Variants in DROSHA observed in about 807,000 individuals in gnomAD.
DROSHA encodes drosha ribonuclease III, also known as ribonuclease 3.
In DROSHA, 56 loss-of-function variants were observed where a neutral mutation model predicts 181.9. The ratio of observed to expected loss-of-function variants is 0.31; its 90% CI spans 0.25 to 0.38. The LOEUF is 0.38. Among genes scored for constraint, DROSHA ranks in the 10% least tolerant of loss-of-function variants. The pLI is 1.00. For synonymous variants in DROSHA, 524 were observed against 591.2 expected, an observed-to-expected ratio of 0.89 and a Z score of 1.65; for missense variants, 1,218 against 1,743.5, an observed-to-expected ratio of 0.70 and a Z score of 5.37.
At chr5:31,499,574 G>T (rs1414418839) in intron 11 of DROSHA, among the ~76,000 whole-genome samples, 1 of 152,136 alleles carries the variant, frequency 6.6e-6, no homozygotes, top group Non-Finnish European at 1.5e-5. Flanking sequence ...TGGAGAAAAT[G>T]ATAGCTATAA....
At position 31,514,878 on chromosome 5, in the gene DROSHA, T is replaced by G. The variant is rs1739106063; in HGVS notation, c.1290+110A>C. ...AGCCCAGAGATGCCGCTAAACATCC[T>G]ACAATGCATAGGGCAGTCCCCACAA... On this transcript the variant is annotated intron_variant, in intron 8 of 35. Transcript: ENST00000344624. This position sits in a 1 kb window ranked among gnomAD's most constrained non-coding sequence, Gnocchi z 4.4. 8 of 988,886 alleles carry G rather than the reference T, an allele frequency of 8.1e-6. No individual in the cohort carries two copies. The highest frequency in any genetic ancestry group is 1.2e-5 in the Non-Finnish European group (8 of 667,974). The allele number at this position is 988,886 out of a possible 1,614,324, so 61.3% of individuals were successfully genotyped here.
chr5:31,402,338 A>G (rs1318351585), intron 35 of DROSHA, among the ~76,000 whole-genome samples: 1 of 152,234 alleles, frequency 6.6e-6, no homozygotes, highest in African/African-American at 2.4e-5. Context: ...GGTTTCATTT[A>G]CACATGATCA....
chr5:31,507,899 C>T (rs547264667), intron 10 of DROSHA, among the ~76,000 whole-genome samples: 2 of 152,100 alleles, frequency 1.3e-5, no homozygotes, highest in East Asian at 1.9e-4. Flanking sequence ...TTCTGCCAGA[C>T]GTTCTATAAA....
rs200906186 is a variant in DROSHA at position 31,526,667 on chromosome 5, G to A, written c.266C>T (p.Ala89Val). The change falls in exon 5 of 36, where the codon GCG becomes GTG. Residue 89 changes from alanine (A) to valine (V), a missense_variant. Ala to Val is a moderately conservative substitution (Grantham distance 64, BLOSUM62 0). This residue lies in a region of DROSHA where 536 missense variants were observed against 535.4 expected (regional missense o/e 1.00). Transcript: ENST00000344624. Reference sequence around the variant, plus strand: ...TGGGCAGGGGGGAAGAGGGCCTTGCGCTGACGGAGGCATGGGTGGGGGGAA... The same window carrying A: ...TGGGCAGGGGGGAAGAGGGCCTTGCACTGACGGAGGCATGGGTGGGGGGAA... ...VPFPPPMPPS[A>V]QGPLPPCPIR... The A allele has an allele frequency of 1.7e-5, 26 of 1,517,392 alleles. No homozygotes were observed. Among genetic ancestry groups the A allele is most frequent in the South Asian group, 4.0e-5 (3 of 75,182 alleles). 94.0% of individuals were successfully genotyped at this position (1,517,392 alleles called of 1,614,324 possible).
intron 11 of DROSHA, 25 bp from the exon 12 acceptor site, chr5:31,495,397 GT>G: frequency 6.2e-7 from 1 of 1,600,124 alleles, no homozygotes; most frequent in Non-Finnish European, 8.5e-7. Context: ...ACGAAAATCA[GT>G]TTACAAGTAA....
chr5:31,448,727 C>T (rs944271884), intron 22 of DROSHA, 120 bp from the exon 23 acceptor site: 40 of 735,182 alleles, frequency 5.4e-5, no homozygotes, highest in South Asian at 2.5e-4. Context: ...TTGGAATCTA[C>T]CTGTCTAAAA....
chr5:31,478,674 C>T (rs1750680038), intron 16 of DROSHA, among the ~76,000 whole-genome samples: 1 of 152,064 alleles, frequency 6.6e-6, no homozygotes, highest in Admixed American at 6.6e-5. Flanking sequence ...GCAGAGGTTG[C>T]AGTGAGCCGA....
chr5:31,525,329 CAAAAAAAAAAAA>C (rs34043904), intron 5 of DROSHA, among the ~76,000 whole-genome samples: 1 of 46,056 alleles, frequency 2.2e-5, no homozygotes, highest in Non-Finnish European at 3.6e-5. Flanking sequence ...GACTTCATCT[CAAAAAAAAAAAA>C]AAAAAAAAAA....
At chr5:31,491,635 G>A (rs1752426519) in intron 13 of DROSHA, among the ~76,000 whole-genome samples, 1 of 150,592 alleles carries the variant, frequency 6.6e-6, no homozygotes, top group Non-Finnish European at 1.5e-5. Flanking sequence ...GGGGGGTGGA[G>A]AGTAATCAAC....
chr5:31,518,766 T>C (rs1490795798), intron 6 of DROSHA, among the ~76,000 whole-genome samples: 1 of 152,202 alleles, frequency 6.6e-6, no homozygotes, highest in Admixed American at 6.5e-5. Context: ...AAGCTAAAAG[T>C]GGTAGTTAAA....
intron 20 of DROSHA, among the ~76,000 whole-genome samples, chr5:31,455,068 G>C (rs1375391267): frequency 1.3e-5 from 2 of 151,738 alleles, no homozygotes; most frequent in East Asian, 3.9e-4. Context: ...TCAGAAATGA[G>C]ATTAGAGGAA....
At chr5:31,416,031 G>GT (rs972089572) in intron 30 of DROSHA, among the ~76,000 whole-genome samples, 59 of 152,238 alleles carry the variant, frequency 3.9e-4, no homozygotes, top group African/African-American at 1.4e-3. Context: ...AGAACAGAAT[G>GT]TTTTTCCCCA....
At position 31,449,419 on chromosome 5, in the gene DROSHA, G is replaced by A; in HGVS notation, c.2683C>T (p.Leu895=). ...TGATGACTTGGATGAGTCATGGCCA[G>A]CTAAAATTTCAATGAAATAAGTTCA... The part of the protein sequence containing the change: ...YTFQDRCLLQ[L]AMTHPSHHLN... Residue 895 remains leucine (L), a splice_region_variant and synonymous_variant, in exon 22 of 36, where the codon CTG becomes TTG. Transcript: ENST00000344624. 1 of 1,563,740 alleles carries A rather than the reference G, an allele frequency of 6.4e-7. No homozygotes were observed. Among genetic ancestry groups the A allele is most frequent in the Non-Finnish European group, 8.7e-7 (1 of 1,153,420 alleles).
chr5:31,529,734 C>CAAAAAAAAAAAACAAA (rs1741031817), intron 3 of DROSHA, among the ~76,000 whole-genome samples: 3 of 91,316 alleles, frequency 3.3e-5, no homozygotes, highest in African/African-American at 8.1e-5. Flanking sequence ...AAAAAACAAA[C>CAAAAAAAAAAAACAAA]AAAAAAAAAA....
Position 31,473,432 on chromosome 5 carries a change from A to G in DROSHA, c.2072-1200T>C, listed in dbSNP as rs530525049. Among the ~76,000 whole-genome samples the G allele has an allele frequency of 1.4e-4, 22 of 152,338 alleles. No individual in the cohort carries two copies. In the East Asian group the frequency reaches 4.2e-3, roughly 29 times the overall value. ...GCTGTTCTACAGCCAATATATATGT[A>G]GGCATGCATTCACTCATTCATCCAA... On this transcript the variant is annotated intron_variant, in intron 16 of 35. Coordinates refer to ENST00000344624, the MANE Select transcript of DROSHA (RefSeq NM_001382508.1).
intron 4 of DROSHA, among the ~76,000 whole-genome samples, chr5:31,528,573 A>G (rs1260482154): frequency 6.6e-6 from 1 of 152,124 alleles, no homozygotes; most frequent in African/African-American, 2.4e-5. Context: ...CAAAAAATCC[A>G]ATTGTTTCTG....
chr5:31,442,335 C>T (rs533294182), intron 23 of DROSHA, among the ~76,000 whole-genome samples: 14 of 152,282 alleles, frequency 9.2e-5, no homozygotes, highest in South Asian at 4.2e-4. Flanking sequence ...CCTAAGCCAA[C>T]GGTTTATCTG....
At chr5:31,471,701 G>A (rs761563904) in intron 17 of DROSHA, among the ~76,000 whole-genome samples, 2 of 151,948 alleles carry the variant, frequency 1.3e-5, no homozygotes, top group African/African-American at 2.4e-5. Flanking sequence ...GACATTTCCC[G>A]CCCCCCAACT....
At chr5:31,426,302 C>T (rs1743464374) in intron 27 of DROSHA, among the ~76,000 whole-genome samples, 1 of 151,984 alleles carries the variant, frequency 6.6e-6, no homozygotes, top group African/African-American at 2.4e-5. Flanking sequence ...GCTCAAGGAC[C>T]TTAGGCAAGG....
Sources: allele counts gnomAD v4.1 joint callset (sites outside exome capture counted in the v4.1 genomes callset), GRCh38; gene constraint gnomAD v4.1.1; regional missense constraint gnomAD v4.1.1; non-coding constraint Gnocchi (gnomAD v3.1); transcripts MANE v1.5; gene names NCBI Gene and HGNC (gene_info 2026-07-23, HGNC 2026-07-21).